SHANK2: variants seen among roughly 807,000 people sequenced by gnomAD.
SHANK2 encodes the protein SH3 and multiple ankyrin repeat domains 2, also known as SH3 and multiple ankyrin repeat domains protein 2.
In SHANK2, 43 loss-of-function variants were observed where a neutral mutation model predicts 133.7. The ratio of observed to expected loss-of-function variants is 0.32; its 90% CI spans 0.25 to 0.41. The LOEUF (loss-of-function observed/expected upper bound fraction) is 0.41, where lower values mean the gene tolerates loss of function less well. Among genes scored for constraint, SHANK2 ranks in the 10% least tolerant of loss-of-function variants. SHANK2 has a pLI of 1.00. For missense variants in SHANK2, 1,994 were observed against 2,235.8 expected, an observed-to-expected ratio of 0.89 and a Z score of 2.18; for synonymous variants, 1,017 against 952.8, an observed-to-expected ratio of 1.07 and a Z score of -1.24.
intron 11 of SHANK2, among the ~76,000 whole-genome samples, chr11:70,840,779 C>G (rs1948891184): frequency 6.6e-6 from 1 of 152,124 alleles, no homozygotes; most frequent in South Asian, 2.1e-4. Flanking sequence ...CTCCTGGGTG[C>G]CGAGGACAGG....
chr11:71,133,318 C>CTGGGTAGG (rs1457454729), intron 3 of SHANK2, among the ~76,000 whole-genome samples: 1 of 98,304 alleles, frequency 1.0e-5, no homozygotes, highest in African/African-American at 5.1e-5. Context: ...GGCTGGCTGG[C>CTGGGTAGG]TGGGTAGGTG....
intron 2 of SHANK2, among the ~76,000 whole-genome samples, chr11:71,191,135 C>T (rs1481438241): frequency 6.6e-6 from 1 of 151,698 alleles, no homozygotes; most frequent in Non-Finnish European, 1.5e-5. Flanking sequence ...TGCTCCGGTG[C>T]ACTCCAGCCT....
intron 15 of SHANK2, among the ~76,000 whole-genome samples, chr11:70,677,589 C>G (rs781857587): frequency 3.3e-5 from 5 of 152,196 alleles, no homozygotes; most frequent in Non-Finnish European, 5.9e-5. Flanking sequence ...CAACCCTGCT[C>G]ATTGCACCCA....
chr11:70,578,738 T>C (rs1244965666), intron 17 of SHANK2, among the ~76,000 whole-genome samples: 1 of 152,204 alleles, frequency 6.6e-6, no homozygotes, highest in African/African-American at 2.4e-5. Flanking sequence ...GGATGGCCCA[T>C]GGAAGATTTT....
chr11:70,790,377 A>T (rs2135173540), intron 14 of SHANK2, among the ~76,000 whole-genome samples: 1 of 152,308 alleles, frequency 6.6e-6, no homozygotes, highest in East Asian at 1.9e-4. Context: ...AGGCTATAGC[A>T]CCCAGTTATG....
At chr11:71,111,197 G>A (rs544502960) in intron 5 of SHANK2, among the ~76,000 whole-genome samples, 45 of 152,304 alleles carry the variant, frequency 3.0e-4, no homozygotes, top group African/African-American at 8.7e-4. Context: ...CTTTGCTTTC[G>A]TAAGAGACAG....
At chr11:71,152,775 G>A (rs562695472) in intron 2 of SHANK2, among the ~76,000 whole-genome samples, 4 of 152,294 alleles carry the variant, frequency 2.6e-5, no homozygotes, top group African/African-American at 9.6e-5. Context: ...TATCCTGGGA[G>A]CTCATGGCCA....
chr11:70,951,976 T>A (rs1341871983), intron 10 of SHANK2, among the ~76,000 whole-genome samples: 1 of 152,252 alleles, frequency 6.6e-6, no homozygotes, highest in African/African-American at 2.4e-5. Context: ...CTTAACTCAG[T>A]GACATCTGCA....
At chr11:71,221,704 C>G (rs1022379773) in intron 2 of SHANK2, among the ~76,000 whole-genome samples, 1 of 152,178 alleles carries the variant, frequency 6.6e-6, no homozygotes. Flanking sequence ...ATGCGATACC[C>G]TGGCTGCTCA....
rs527661453 is a variant in SHANK2, at chr11:70,788,990, G to A, written c.1777+9453C>T. 3.9e-5 allele frequency among the ~76,000 whole-genome samples: 6 copies of A among 152,148 alleles called. No individual in the cohort carries two copies. In the South Asian group the frequency reaches 1.0e-3, roughly 26 times the overall value. ...GTCCTTGGGGTGTGGGGCTGGTGGC[G>A]GTCCGGAGACACTTCTCAGAGCAAA... is the stretch of plus-strand genomic sequence containing the variant. On this transcript the variant is annotated intron_variant, in intron 14 of 25. Transcript: ENST00000601538.
chr11:70,734,139 G>A (rs1946348990), intron 14 of SHANK2, among the ~76,000 whole-genome samples: 1 of 152,204 alleles, frequency 6.6e-6, no homozygotes, highest in Non-Finnish European at 1.5e-5. Flanking sequence ...AGCAGGTGGA[G>A]TATGCAGAGC....
At chr11:70,779,322 T>C (rs1947433636) in intron 14 of SHANK2, among the ~76,000 whole-genome samples, 1 of 151,748 alleles carries the variant, frequency 6.6e-6, no homozygotes, top group South Asian at 2.1e-4. Context: ...ACATAATCAT[T>C]AGCAGACAGG....
rs1325751729 is a variant in SHANK2, at chr11:70,608,533, A to G, written c.2061+51295T>C. Among the ~76,000 whole-genome samples the G allele has an allele frequency of 2.0e-5, 3 of 152,102 alleles. No individual in the cohort carries two copies. The East Asian group carries it at 5.8e-4, about 29-fold the overall frequency. ...TGAGCCTCAGCTTCTTCATCTGTAA[A>G]ATGGGGTCATGTAAAGGCTCTGCAG... On this transcript the variant is annotated intron_variant, in intron 17 of 25. Coordinates refer to ENST00000601538, the MANE Select transcript of SHANK2 (RefSeq NM_012309.5).
intron 15 of SHANK2, among the ~76,000 whole-genome samples, chr11:70,674,606 C>T (rs1408771959): frequency 6.6e-6 from 1 of 152,224 alleles, no homozygotes; most frequent in East Asian, 1.9e-4. Context: ...GCCTCGGCCT[C>T]CCAAAGTGTT....
intron 12 of SHANK2, among the ~76,000 whole-genome samples, chr11:70,810,172 G>T (rs1466078272): frequency 6.6e-6 from 1 of 152,230 alleles, no homozygotes; most frequent in Non-Finnish European, 1.5e-5. Flanking sequence ...GAGCCACCAG[G>T]GAGCAGAGGG....
At chr11:71,143,076 A>C (rs1258884391) in intron 3 of SHANK2, among the ~76,000 whole-genome samples, 1 of 152,214 alleles carries the variant, frequency 6.6e-6, no homozygotes, top group African/African-American at 2.4e-5. Context: ...TCTACTAAAA[A>C]TACAAAAAAT....
intron 10 of SHANK2, among the ~76,000 whole-genome samples, chr11:70,915,281 C>A (rs947304785): frequency 6.6e-6 from 1 of 152,110 alleles, no homozygotes; most frequent in South Asian, 2.1e-4. Context: ...TTCCCAAATC[C>A]GCCAGCACAT....
intron 3 of SHANK2, among the ~76,000 whole-genome samples, chr11:71,126,639 C>T (rs1952193589): frequency 1.3e-5 from 2 of 152,040 alleles, no homozygotes; most frequent in Admixed American, 1.3e-4. Flanking sequence ...ATTCCAGATG[C>T]CATTAAGAAT....
At chr11:70,588,704 C>T (rs10793163) in intron 17 of SHANK2, among the ~76,000 whole-genome samples, 88,411 of 152,078 alleles carry the variant, frequency 0.58, 26,290 homozygotes, top group African/African-American at 0.7. Context: ...AACGTAAACA[C>T]GCAAGGCAAA....
Sources: gnomAD v4.1 joint callset for allele counts (sites outside exome capture counted in the v4.1 genomes callset) on GRCh38, gnomAD v4.1.1 for gene constraint, MANE v1.5 for transcripts, NCBI Gene and HGNC (gene_info 2026-07-23, HGNC 2026-07-21) for gene names.